The following CHST9 variants were observed in gnomAD, a reference collection of about 807,000 sequenced individuals.
The protein encoded by CHST9 is GalNAc-4-sulfotransferase 2.
CHST9 carries 41 observed loss-of-function variants against 44.4 expected under a neutral mutation model. That is an observed-to-expected ratio of 0.92 (90% confidence interval 0.72 to 1.20). The LOEUF is 1.20. Among genes scored for constraint, CHST9 ranks in the 50% most tolerant of loss-of-function variants. CHST9 has a pLI of 0.00. For missense variants in CHST9, 504 were observed against 516.5 expected (o/e 0.98, Z 0.23); for synonymous variants, 171 against 178.4 (o/e 0.96, Z 0.33).
intron 1 of CHST9, among the ~76,000 whole-genome samples, chr18:27,160,907 T>G (rs4542732): frequency 0.39 from 59,904 of 152,040 alleles, 12,315 homozygotes; most frequent in East Asian, 0.62. Context: ...TGGAGGTGTT[T>G]GTAGTATTCT....
At chr18:27,047,388 T>TTTTGTGTGTG (rs373447468) in intron 3 of CHST9, among the ~76,000 whole-genome samples, 1 of 145,552 alleles carries the variant, frequency 6.9e-6, no homozygotes, top group Non-Finnish European at 1.5e-5. Context: ...GCCTTCATAA[T>TTTTGTGTGTG]TGTGTGTGTG....
rs1261565595 is a variant in CHST9 at position 27,142,911 on chromosome 18, A to G, written c.-96-6T>C. The G allele has an allele frequency of 9.9e-6, 11 of 1,112,158 alleles. No homozygotes were observed. The Admixed American group carries it at 2.8e-4, about 28-fold the overall frequency. 68.9% of individuals were successfully genotyped at this position (1,112,158 alleles called of 1,614,324 possible). On this transcript the variant is annotated splice_polypyrimidine_tract_variant and splice_region_variant and intron_variant, in intron 1 of 5. Transcript: ENST00000618847. ...GCCCAATTCCATAAAGTAACCTAGAATTTTAAAAAGAAATCTACATTGTAC... is the reference window on the plus strand; with the variant it reads ...GCCCAATTCCATAAAGTAACCTAGAGTTTTAAAAAGAAATCTACATTGTAC...
chr18:26,997,503 G>T (rs1047464328), intron 4 of CHST9, among the ~76,000 whole-genome samples: 1 of 152,166 alleles, frequency 6.6e-6, no homozygotes, highest in Non-Finnish European at 1.5e-5. Context: ...AGATTTATCT[G>T]CACAATGCAA....
intron 4 of CHST9, among the ~76,000 whole-genome samples, chr18:26,973,988 C>T (rs1362431650): frequency 6.6e-6 from 1 of 152,164 alleles, no homozygotes; most frequent in East Asian, 1.9e-4. Context: ...AAAAATTGTG[C>T]ATGCCTGCCA....
At chr18:26,970,408 C>A (rs1367987793) in intron 4 of CHST9, among the ~76,000 whole-genome samples, 2 of 152,104 alleles carry the variant, frequency 1.3e-5, no homozygotes, top group Admixed American at 1.3e-4. Flanking sequence ...TACACAACAG[C>A]CCTTTGAGGT....
At chr18:27,150,206 A>G (rs1250828076) in intron 1 of CHST9, among the ~76,000 whole-genome samples, 5 of 151,464 alleles carry the variant, frequency 3.3e-5, no homozygotes, top group African/African-American at 7.3e-5. Context: ...GCTCTTTTTC[A>G]GAGCTAAGTT....
At chr18:26,921,259 G>T (rs143659899) in intron 5 of CHST9, among the ~76,000 whole-genome samples, 391 of 152,172 alleles carry the variant, frequency 2.6e-3, no homozygotes, top group South Asian at 7.1e-3. Context: ...TCCATTTCTC[G>T]TTGCTGGAAG....
At chr18:26,988,139 A>G (rs1264170435) in intron 4 of CHST9, among the ~76,000 whole-genome samples, 1 of 152,192 alleles carries the variant, frequency 6.6e-6, no homozygotes, top group Non-Finnish European at 1.5e-5. Context: ...TGACAAAGGG[A>G]AAAAGGGAAC....
rs1283262187 is a variant in CHST9, at chr18:26,906,628, C to T, written c.*9631G>A. The T allele has an allele frequency of 6.6e-6, 1 of 152,142 alleles. No individual in the cohort carries two copies. Among genetic ancestry groups the T allele is most frequent in the Non-Finnish European group, 1.5e-5 (1 of 68,028 alleles). The allele number at this position is 152,142 out of a possible 1,614,324, so 9.4% of individuals were successfully genotyped here. A position where few individuals can be genotyped will look rare whatever the true frequency, so the allele number is the denominator to read the frequency against. On this transcript the variant is annotated 3_prime_UTR_variant, in exon 6 of 6. Coordinates refer to ENST00000618847, the MANE Select transcript of CHST9 (RefSeq NM_031422.6). The stretch of plus-strand genomic sequence containing the variant: ...GAGAAGTTAAAGCAATTTCAGAGGT[C>T]CCAACATTTGAAAGTTGAGGATACG...
At chr18:27,053,275 A>AAGAAGAAGAAGAAGAAGAAGAAGAG (rs1568151279) in intron 2 of CHST9, among the ~76,000 whole-genome samples, 4 of 125,720 alleles carry the variant, frequency 3.2e-5, no homozygotes, top group African/African-American at 1.2e-4. Flanking sequence ...AAGGAGAAGG[A>AAGAAGAAGAAGAAGAAGAAGAAGAG]GAAGGAGAAG....
At chr18:27,051,087 T>C (rs573772756) in intron 2 of CHST9, among the ~76,000 whole-genome samples, 5 of 152,150 alleles carry the variant, frequency 3.3e-5, no homozygotes, top group South Asian at 2.1e-4. Context: ...GGGAATAATA[T>C]AGTGTGATTT....
chr18:27,021,147 C>G (rs1362115303), intron 4 of CHST9, among the ~76,000 whole-genome samples: 1 of 152,092 alleles, frequency 6.6e-6, no homozygotes, highest in East Asian at 1.9e-4. Context: ...TGGGAATAGG[C>G]TGCAGTTGGG....
chr18:27,014,753 G>T (rs2057130608), intron 4 of CHST9, among the ~76,000 whole-genome samples: 1 of 151,938 alleles, frequency 6.6e-6, no homozygotes, highest in Admixed American at 6.6e-5. Flanking sequence ...CAGAAAAGGG[G>T]GAATTTTTCT....
chr18:27,168,268 G>A (rs1368319974), intron 1 of CHST9, among the ~76,000 whole-genome samples: 1 of 152,002 alleles, frequency 6.6e-6, no homozygotes, highest in East Asian at 1.9e-4. Flanking sequence ...TAGAGACGGG[G>A]TTTCACTGTG....
chr18:27,172,395 G>T (rs544345135), intron 1 of CHST9, among the ~76,000 whole-genome samples: 1 of 152,088 alleles, frequency 6.6e-6, no homozygotes, highest in African/African-American at 2.4e-5. Context: ...AGTGGTATGA[G>T]TGTCCTTTGT....
intron 4 of CHST9, among the ~76,000 whole-genome samples, chr18:26,953,446 A>T (rs151082043): frequency 1.3e-5 from 2 of 152,108 alleles, no homozygotes; most frequent in Non-Finnish European, 2.9e-5. Flanking sequence ...GTTATAAAGG[A>T]ACATTAAACT....
chr18:27,022,032 T>C (rs762084494), intron 4 of CHST9, among the ~76,000 whole-genome samples: 10 of 152,216 alleles, frequency 6.6e-5, no homozygotes, highest in African/African-American at 9.6e-5. Flanking sequence ...CCAGCATGTG[T>C]TCTGGCCAAG....
intron 3 of CHST9, among the ~76,000 whole-genome samples, chr18:27,028,035 C>T (rs1227920284): frequency 6.6e-6 from 1 of 152,172 alleles, no homozygotes; most frequent in Non-Finnish European, 1.5e-5. Context: ...CCTGCCTCAG[C>T]CTCCTGAGTA....
chr18:27,158,103 T>C (rs2058712169), intron 1 of CHST9, among the ~76,000 whole-genome samples: 1 of 152,118 alleles, frequency 6.6e-6, no homozygotes, highest in Admixed American at 6.6e-5. Flanking sequence ...TTTTTTTGTT[T>C]TTTTGTTTTT....
Sources: allele counts gnomAD v4.1 joint callset (sites outside exome capture counted in the v4.1 genomes callset), GRCh38; gene constraint gnomAD v4.1.1; transcripts MANE v1.5; gene names NCBI Gene and HGNC (gene_info 2026-07-23, HGNC 2026-07-21).